Variants in ETV6 observed in about 807,000 individuals in gnomAD.
ETV6 encodes the protein transcription factor ETV6.
Under a neutral mutation model 51.1 loss-of-function variants are expected in ETV6, and 16 were observed. That is an observed-to-expected ratio of 0.31 (90% CI 0.21 to 0.48). The LOEUF is 0.48. ETV6 is among the 20% of genes least tolerant of loss of function. The probability of loss-of-function intolerance (pLI) is 0.99; values close to 1 mark genes in which losing one functional copy is unlikely to be tolerated. For synonymous variants in ETV6, 240 were observed against 224.1 expected, an observed-to-expected ratio of 1.07 and a Z score of -0.64; for missense variants, 458 against 594.8, an observed-to-expected ratio of 0.77 and a Z score of 2.39.
intron 5 of ETV6, among the ~76,000 whole-genome samples, chr12:11,878,363 G>A (rs1591743992): frequency 6.6e-6 from 1 of 152,186 alleles, no homozygotes; most frequent in Non-Finnish European, 1.5e-5. Context: ...TCCAGTTTGT[G>A]TAAGGGCGCA....
intron 2 of ETV6, among the ~76,000 whole-genome samples, chr12:11,794,680 A>G (rs1945651606): frequency 6.6e-6 from 1 of 152,210 alleles, no homozygotes; most frequent in South Asian, 2.1e-4. Flanking sequence ...TTTTATGGCT[A>G]TGCAAGATAA....
chr12:11,762,842 C>T (rs1489129943), intron 2 of ETV6, among the ~76,000 whole-genome samples: 1 of 152,164 alleles, frequency 6.6e-6, no homozygotes, highest in African/African-American at 2.4e-5. Flanking sequence ...TGATTCGTGA[C>T]CAAAGCTGAT....
chr12:11,865,623 G>T (rs1262502194), intron 4 of ETV6, among the ~76,000 whole-genome samples: 1 of 147,718 alleles, frequency 6.8e-6, no homozygotes, highest in Non-Finnish European at 1.5e-5. Flanking sequence ...TATATACTAT[G>T]TAAGTATATA....
intron 1 of ETV6, chr12:11,716,710 C>T (rs1447664311): frequency 1.3e-5 from 2 of 152,174 alleles, no homozygotes; most frequent in East Asian, 3.9e-4. Context: ...TTTTCCTTTC[C>T]AGCTCTAAAA....
Position 11,869,623 on chromosome 12 carries a change from C to A in ETV6, c.663C>A (p.Pro221=). 1 of 1,614,196 alleles carries A rather than the reference C, an allele frequency of 6.2e-7. No homozygotes were observed. Among genetic ancestry groups the A allele is most frequent in the Non-Finnish European group, 8.5e-7 (1 of 1,180,036 alleles). Residue 221 remains proline, a synonymous_variant, in exon 5 of 8, where the codon CCC becomes CCA. Coordinates refer to ENST00000396373, the MANE Select transcript of ETV6 (RefSeq NM_001987.5). This position sits in a 1 kb window ranked among gnomAD's most constrained non-coding sequence, Gnocchi z 5.0. ...CCCCGGCTGAGAGAGCTCAGGGACC[C>A]AGGCCGCACCAGGAGAACAACCACC... The part of the protein sequence containing the change: ...RLSPAERAQG[P]RPHQENNHQE...
chr12:11,721,863 G>T (rs1301248805), intron 1 of ETV6, among the ~76,000 whole-genome samples: 1 of 152,162 alleles, frequency 6.6e-6, no homozygotes, highest in Non-Finnish European at 1.5e-5. Context: ...TACATATTCT[G>T]TTAGGTCATA....
chr12:11,701,599 A>G (rs1384716106), intron 1 of ETV6, among the ~76,000 whole-genome samples: 2 of 152,076 alleles, frequency 1.3e-5, no homozygotes, highest in African/African-American at 4.8e-5. Context: ...TGTCTTCCTG[A>G]GTGGTATTCT....
At chr12:11,862,682 A>G (rs763027215) in intron 4 of ETV6, among the ~76,000 whole-genome samples, 8 of 152,196 alleles carry the variant, frequency 5.3e-5, no homozygotes, top group Non-Finnish European at 1.2e-4. Context: ...GACACCAGTC[A>G]TATTGGATGT....
chr12:11,832,121 C>T (rs1377258775), intron 2 of ETV6, among the ~76,000 whole-genome samples: 1 of 152,158 alleles, frequency 6.6e-6, no homozygotes, highest in Non-Finnish European at 1.5e-5. Context: ...AGCTGAAAAC[C>T]ATGGAATACG....
chr12:11,731,157 A>T (rs1865588443), intron 1 of ETV6, among the ~76,000 whole-genome samples: 2 of 152,192 alleles, frequency 1.3e-5, no homozygotes, highest in Non-Finnish European at 2.9e-5. Flanking sequence ...CAATAAGAAG[A>T]GTCATGACTA....
In ETV6 at chr12:11,853,298, G is replaced by C. The variant is rs949641269; in HGVS notation, c.329-129G>C. 1.0e-5 allele frequency: 10 copies of C among 978,948 alleles called. No individual in the cohort carries two copies. The Admixed American group carries it at 1.3e-4, about 13-fold the overall frequency. 60.6% of individuals were successfully genotyped at this position (978,948 alleles called of 1,614,324 possible). A position where few individuals can be genotyped will look rare whatever the true frequency, so the allele number is the denominator to read the frequency against. On this transcript the variant is annotated intron_variant, in intron 3 of 7. Coordinates refer to ENST00000396373, the MANE Select transcript of ETV6 (RefSeq NM_001987.5). ...TTCTGTGCCCCATGAGCTTGGTGAG[G>C]GTAGGAGGTGGCAGGTGCGCTCCAA...
intron 2 of ETV6, among the ~76,000 whole-genome samples, chr12:11,831,201 G>C (rs561680228): frequency 3.3e-5 from 5 of 151,908 alleles, no homozygotes; most frequent in African/African-American, 7.3e-5. Context: ...GTGTGTGTGT[G>C]TGTCTGTGTC....
At chr12:11,868,085 C>T (rs1422730291) in intron 4 of ETV6, among the ~76,000 whole-genome samples, 5 of 152,202 alleles carry the variant, frequency 3.3e-5, no homozygotes, top group African/African-American at 1.2e-4. Flanking sequence ...TTCTTCCTTA[C>T]TTCTGCCTGT....
chr12:11,853,237 C>T (rs1444026308), intron 3 of ETV6, among the ~76,000 whole-genome samples, 190 bp from the exon 4 acceptor site: 7 of 152,214 alleles, frequency 4.6e-5, no homozygotes, highest in Non-Finnish European at 7.3e-5. Context: ...TTTACAACTT[C>T]ACATCGCTCT....
chr12:11,799,568 A>C (rs1945719052), intron 2 of ETV6, among the ~76,000 whole-genome samples: 1 of 152,186 alleles, frequency 6.6e-6, no homozygotes, highest in Non-Finnish European at 1.5e-5. Context: ...GGGAAACGTT[A>C]TGGAACTGTT....
intron 2 of ETV6, among the ~76,000 whole-genome samples, chr12:11,815,572 A>C (rs1175001835): frequency 2.0e-5 from 3 of 152,258 alleles, no homozygotes; most frequent in Non-Finnish European, 4.4e-5. Flanking sequence ...CAGGTGGCTC[A>C]GCTGGAAGTA....
In ETV6 at chr12:11,877,691, G is replaced by A. The variant is rs905946918; in HGVS notation, c.1010-6754G>A. ...GGCCCCGAACAGTCCTAGGGAAGCA[G>A]TGTGGGCCTGTGGCAAAAGCTTGGA... On this transcript the variant is annotated intron_variant, in intron 5 of 7. Transcript: ENST00000396373. Among the ~76,000 whole-genome samples the A allele has an allele frequency of 3.9e-5, 6 of 152,306 alleles. No individual in the cohort carries two copies. The South Asian group carries it at 8.3e-4, about 21-fold the overall frequency.
At chr12:11,827,643 C>T (rs1413658902) in intron 2 of ETV6, among the ~76,000 whole-genome samples, 1 of 151,982 alleles carries the variant, frequency 6.6e-6, no homozygotes, top group Non-Finnish European at 1.5e-5. Flanking sequence ...TTTAAAATTT[C>T]GCAGGAGAAT....
chr12:11,689,373 T>C (rs1443094208), intron 1 of ETV6, among the ~76,000 whole-genome samples: 2 of 152,328 alleles, frequency 1.3e-5, no homozygotes, highest in East Asian at 3.9e-4. Context: ...TGACCACTGC[T>C]TCTCTAGGCG....
Sources: allele counts gnomAD v4.1 joint callset (sites outside exome capture counted in the v4.1 genomes callset), GRCh38; gene constraint gnomAD v4.1.1; non-coding constraint Gnocchi (gnomAD v3.1); transcripts MANE v1.5; gene names NCBI Gene and HGNC (gene_info 2026-07-23, HGNC 2026-07-21).